VIPR2: variants seen among roughly 807,000 people sequenced by gnomAD.
VIPR2 encodes vasoactive intestinal polypeptide receptor 2.
A neutral mutation model predicts 58.0 loss-of-function variants in VIPR2; 48 were observed. That is an observed-to-expected ratio of 0.83 (90% confidence interval 0.66 to 1.05). The LOEUF is 1.05. Ranked by LOEUF, VIPR2 falls within the 50% of genes least tolerant of loss-of-function variation. VIPR2 has a pLI of 0.00. For missense variants in VIPR2, 534 were observed against 558.0 expected (o/e 0.96, Z 0.43); for synonymous variants, 243 against 235.2 (o/e 1.03, Z -0.30).
chr7:159,060,503 T>C (rs1211754315), intron 4 of VIPR2, among the ~76,000 whole-genome samples: 3 of 151,452 alleles, frequency 2.0e-5, no homozygotes, highest in African/African-American at 7.3e-5. Flanking sequence ...ACCTCACTTA[T>C]CCATAACTCT....
At chr7:159,046,635 A>G (rs887380254) in intron 5 of VIPR2, among the ~76,000 whole-genome samples, 3 of 152,204 alleles carry the variant, frequency 2.0e-5, no homozygotes, top group Non-Finnish European at 4.4e-5. Context: ...GAAGGTGCTT[A>G]GTGCCAAGGA....
Position 159,030,223 on chromosome 7 carries a change from T to A in VIPR2, c.*393A>T, listed in dbSNP as rs763528358. ...AGCCAGGCGTGTTGGCGGGCGCCTGTAGTCCCAGCTATGGGAGGCTGAGGC... is the reference window on the plus strand; with the variant it reads ...AGCCAGGCGTGTTGGCGGGCGCCTGAAGTCCCAGCTATGGGAGGCTGAGGC... On this transcript the variant is annotated 3_prime_UTR_variant, in exon 13 of 13. Transcript: ENST00000262178. 24 of 189,800 alleles carry A rather than the reference T, an allele frequency of 1.3e-4. No homozygotes were observed. Among genetic ancestry groups the A allele is most frequent in the Non-Finnish European group, 2.1e-4 (20 of 94,200 alleles). 11.8% of individuals were successfully genotyped at this position (189,800 alleles called of 1,614,324 possible).
intron 4 of VIPR2, among the ~76,000 whole-genome samples, chr7:159,063,799 T>TGGAGTCTG (rs2129494263): frequency 2.0e-5 from 1 of 49,468 alleles, no homozygotes; most frequent in Non-Finnish European, 3.3e-5. Flanking sequence ...GGGGTCCTGG[T>TGGAGTCTG]GGGGTCCGGG....
At chr7:159,082,482 G>A (rs907446770) in intron 4 of VIPR2, among the ~76,000 whole-genome samples, 1 of 152,144 alleles carries the variant, frequency 6.6e-6, no homozygotes, top group African/African-American at 2.4e-5. Flanking sequence ...GTGGGGTCGT[G>A]GGGGAGGGAT....
chr7:159,068,773 G>A (rs768070577), intron 4 of VIPR2, among the ~76,000 whole-genome samples: 2 of 152,228 alleles, frequency 1.3e-5, no homozygotes, highest in Non-Finnish European at 2.9e-5. Context: ...TGAGGCCACT[G>A]TCTCCTTTCC....
chr7:159,073,725 A>T (rs1222941704), intron 4 of VIPR2, among the ~76,000 whole-genome samples: 1 of 151,880 alleles, frequency 6.6e-6, no homozygotes, highest in African/African-American at 2.4e-5. Context: ...TTTTTTTTTA[A>T]TTGAATAGAA....
At chr7:159,109,174 T>C (rs1479353735) in intron 3 of VIPR2, among the ~76,000 whole-genome samples, 3 of 152,262 alleles carry the variant, frequency 2.0e-5, no homozygotes, top group Non-Finnish European at 4.4e-5. Context: ...AATAGATTTC[T>C]TCACACTATG....
At chr7:159,054,437 T>C (rs1855185233) in intron 5 of VIPR2, among the ~76,000 whole-genome samples, 1 of 152,188 alleles carries the variant, frequency 6.6e-6, no homozygotes, top group African/African-American at 2.4e-5. Flanking sequence ...GTAATACTCG[T>C]ATGTAATGAA....
chr7:159,136,874 A>G (rs766449953), intron 2 of VIPR2, among the ~76,000 whole-genome samples: 25 of 152,106 alleles, frequency 1.6e-4, no homozygotes, highest in Non-Finnish European at 2.8e-4. Context: ...ACCAACCCCC[A>G]CCAGCAGGAC....
chr7:159,060,330 C>T (rs1054482270), intron 4 of VIPR2, among the ~76,000 whole-genome samples: 1 of 150,786 alleles, frequency 6.6e-6, no homozygotes, highest in Non-Finnish European at 1.5e-5. Flanking sequence ...TAACCATGAC[C>T]CTCACCTCAT....
chr7:159,110,591 T>TTC (rs1795957506), intron 2 of VIPR2, among the ~76,000 whole-genome samples: 1 of 34 alleles, frequency 0.029, no homozygotes, highest in Admixed American at 0.17. Context: ...AACCCAGGAC[T>TTC]TTCCTACTTG....
chr7:159,073,562 T>C (rs1009939712), intron 4 of VIPR2, among the ~76,000 whole-genome samples: 3 of 152,094 alleles, frequency 2.0e-5, no homozygotes, highest in African/African-American at 7.2e-5. Flanking sequence ...GGATTACAGG[T>C]GTGTGCCACC....
At chr7:159,094,919 G>T (rs1857742759) in intron 4 of VIPR2, among the ~76,000 whole-genome samples, 1 of 152,190 alleles carries the variant, frequency 6.6e-6, no homozygotes, top group Non-Finnish European at 1.5e-5. Flanking sequence ...ACTGACCTAG[G>T]AAGTGGGGGC....
At chr7:159,073,832 T>C (rs907282248) in intron 4 of VIPR2, among the ~76,000 whole-genome samples, 7 of 152,192 alleles carry the variant, frequency 4.6e-5, no homozygotes, top group African/African-American at 1.7e-4. Flanking sequence ...ACACCTCTTC[T>C]GGGCTGTGGA....
At chr7:159,041,866 C>T (rs778026903) in intron 6 of VIPR2, among the ~76,000 whole-genome samples, 15 of 152,188 alleles carry the variant, frequency 9.9e-5, no homozygotes, top group Non-Finnish European at 2.2e-4. Context: ...AGAGAGAATC[C>T]GACACCATCC....
chr7:159,040,544 T>C (rs1409414114), intron 6 of VIPR2, among the ~76,000 whole-genome samples: 1 of 152,190 alleles, frequency 6.6e-6, no homozygotes, highest in African/African-American at 2.4e-5. Flanking sequence ...TGTGTCTCTG[T>C]CTAGGCCGCA....
chr7:159,039,598 T>TGGGGCCTTGCCACAG (rs1854190675), intron 6 of VIPR2, among the ~76,000 whole-genome samples: 1 of 151,972 alleles, frequency 6.6e-6, no homozygotes, highest in East Asian at 1.9e-4. Flanking sequence ...AGGGTGTTAG[T>TGGGGCCTTGCCACAG]GGGTGGCGCT....
At chr7:159,121,082 G>A (rs1360327066) in intron 2 of VIPR2, among the ~76,000 whole-genome samples, 1 of 152,174 alleles carries the variant, frequency 6.6e-6, no homozygotes, top group African/African-American at 2.4e-5. Flanking sequence ...CATGGGAAGA[G>A]GGGAGGCGTC....
intron 4 of VIPR2, among the ~76,000 whole-genome samples, chr7:159,092,676 A>C (rs1322953429): frequency 1.5e-5 from 2 of 136,910 alleles, no homozygotes; most frequent in Non-Finnish European, 3.1e-5. Context: ...TTTGAGACTG[A>C]GTCTCGCTGT....
Sources: gnomAD v4.1 joint callset for allele counts (sites outside exome capture counted in the v4.1 genomes callset) on GRCh38, gnomAD v4.1.1 for gene constraint, MANE v1.5 for transcripts, NCBI Gene and HGNC (gene_info 2026-07-23, HGNC 2026-07-21) for gene names.